Variants in SPSB4 observed in about 807,000 individuals in gnomAD.
The protein encoded by SPSB4 is SPRY domain-containing SOCS box protein 4.
In SPSB4, 21 loss-of-function variants were observed where a neutral mutation model predicts 20.9. The ratio of observed to expected loss-of-function variants is 1.01; its 90% CI spans 0.71 to 1.45. The LOEUF (loss-of-function observed/expected upper bound fraction) is 1.45. SPSB4 is among the 40% of genes most tolerant of loss of function. The pLI is 0.00. For missense variants in SPSB4, 399 were observed against 399.2 expected, an observed-to-expected ratio of 1.00 and a Z score of 0.00; for synonymous variants, 207 against 183.8, an observed-to-expected ratio of 1.13 and a Z score of -1.02.
chr3:141,113,007 C>T (rs1017577178), intron 2 of SPSB4, among the ~76,000 whole-genome samples: 8 of 152,212 alleles, frequency 5.3e-5, no homozygotes, highest in African/African-American at 1.9e-4. Context: ...CCCAGCTGTT[C>T]TCCCATCTTC....
At chr3:141,068,650 C>T (rs964739943) in intron 2 of SPSB4, among the ~76,000 whole-genome samples, 1 of 152,114 alleles carries the variant, frequency 6.6e-6, no homozygotes, top group Non-Finnish European at 1.5e-5. Flanking sequence ...CCCCTTTTTG[C>T]TGCTGTAAGC....
chr3:141,058,492 G>A (rs956392389), intron 1 of SPSB4, among the ~76,000 whole-genome samples: 3 of 152,168 alleles, frequency 2.0e-5, no homozygotes, highest in Admixed American at 1.3e-4. Context: ...CAGGATGCTG[G>A]CTGCTTACTG....
At chr3:141,135,937 G>A (rs1259377694) in intron 2 of SPSB4, among the ~76,000 whole-genome samples, 2 of 152,166 alleles carry the variant, frequency 1.3e-5, no homozygotes, top group African/African-American at 2.4e-5. Flanking sequence ...CACAATGGTT[G>A]AACTAGTTTA....
At chr3:141,134,462 AGATGGC>A (rs1401686214) in intron 2 of SPSB4, among the ~76,000 whole-genome samples, 5 of 152,168 alleles carry the variant, frequency 3.3e-5, no homozygotes, top group African/African-American at 1.2e-4. Flanking sequence ...GGTCTGTAAT[AGATGGC>A]TTTTATTACC....
intron 2 of SPSB4, among the ~76,000 whole-genome samples, chr3:141,138,008 C>A (rs920967072): frequency 6.6e-6 from 1 of 152,184 alleles, no homozygotes; most frequent in African/African-American, 2.4e-5. Flanking sequence ...GCCTCAATTT[C>A]AGAGCCTGTT....
chr3:141,120,270 G>C (rs1302557613), intron 2 of SPSB4, among the ~76,000 whole-genome samples: 1 of 152,216 alleles, frequency 6.6e-6, no homozygotes, highest in Non-Finnish European at 1.5e-5. Flanking sequence ...ATTGCACTGT[G>C]GTCTGAGAGA....
chr3:141,114,775 T>C (rs1225169118), intron 2 of SPSB4, among the ~76,000 whole-genome samples: 1 of 152,262 alleles, frequency 6.6e-6, no homozygotes, highest in African/African-American at 2.4e-5. Context: ...ATCATTTTTC[T>C]CTACCAATAT....
chr3:141,112,829 G>A (rs918994530), intron 2 of SPSB4, among the ~76,000 whole-genome samples: 17 of 152,006 alleles, frequency 1.1e-4, no homozygotes, highest in Non-Finnish European at 2.4e-4. Context: ...GCCCATGGAC[G>A]GACCACTTCT....
intron 2 of SPSB4, among the ~76,000 whole-genome samples, chr3:141,111,929 A>G (rs920351184): frequency 6.6e-6 from 1 of 151,992 alleles, no homozygotes; most frequent in Non-Finnish European, 1.5e-5. Flanking sequence ...AGAACCTGAG[A>G]CCCCACCCTC....
intron 2 of SPSB4, among the ~76,000 whole-genome samples, chr3:141,135,382 C>T (rs1444756492): frequency 6.8e-6 from 1 of 146,494 alleles, no homozygotes; most frequent in Admixed American, 7.3e-5. Context: ...TTTTAGTATA[C>T]ATGTGCACAA....
chr3:141,109,959 G>C (rs899348), intron 2 of SPSB4, among the ~76,000 whole-genome samples: 2 of 151,946 alleles, frequency 1.3e-5, no homozygotes, highest in Non-Finnish European at 2.9e-5. Context: ...CATTTTCATC[G>C]CAGAGAATCT....
chr3:141,137,881 A>G (rs570586945), intron 2 of SPSB4, among the ~76,000 whole-genome samples: 3 of 152,134 alleles, frequency 2.0e-5, no homozygotes, highest in East Asian at 1.9e-4. Flanking sequence ...CTCTTTTTCT[A>G]TTGATTGGAA....
chr3:141,058,909 C>T (rs1004752589), intron 1 of SPSB4, among the ~76,000 whole-genome samples: 1 of 152,136 alleles, frequency 6.6e-6, no homozygotes, highest in African/African-American at 2.4e-5. Context: ...CTGCTTCATC[C>T]TCTGAAAAAC....
At chr3:141,096,006 T>C (rs1224295563) in intron 2 of SPSB4, among the ~76,000 whole-genome samples, 2 of 152,042 alleles carry the variant, frequency 1.3e-5, no homozygotes, top group South Asian at 2.1e-4. Flanking sequence ...CAGATGATAT[T>C]AGGGTTTATA....
At chr3:141,142,414 A>G (rs918872145) in intron 2 of SPSB4, among the ~76,000 whole-genome samples, 1 of 152,188 alleles carries the variant, frequency 6.6e-6, no homozygotes, top group African/African-American at 2.4e-5. Flanking sequence ...GATACTTGAT[A>G]TAAGTTTGAT....
intron 2 of SPSB4, among the ~76,000 whole-genome samples, chr3:141,096,512 A>T (rs552754339): frequency 6.6e-6 from 1 of 152,344 alleles, no homozygotes; most frequent in East Asian, 1.9e-4. Flanking sequence ...GCCTAAAAAC[A>T]GGACTTTACA....
intron 2 of SPSB4, among the ~76,000 whole-genome samples, chr3:141,114,862 G>C (rs1938859985): frequency 6.6e-6 from 1 of 152,184 alleles, no homozygotes; most frequent in African/African-American, 2.4e-5. Flanking sequence ...TGTTTTTATG[G>C]AAAAAGTAGA....
At chr3:141,119,878 AT>A (rs1484630177) in intron 2 of SPSB4, among the ~76,000 whole-genome samples, 1 of 151,504 alleles carries the variant, frequency 6.6e-6, no homozygotes, top group South Asian at 2.1e-4. Flanking sequence ...GGATTCATTG[AT>A]TTTTTTTGAA....
At chr3:141,052,497 C>A (rs532732673) in intron 1 of SPSB4, among the ~76,000 whole-genome samples, 1 of 152,314 alleles carries the variant, frequency 6.6e-6, no homozygotes, top group Admixed American at 6.5e-5. Flanking sequence ...AGCTTGTTAT[C>A]CAACTTTCCG....
Sources: gnomAD v4.1 joint callset for allele counts (sites outside exome capture counted in the v4.1 genomes callset) on GRCh38, gnomAD v4.1.1 for gene constraint, MANE v1.5 for transcripts, NCBI Gene and HGNC (gene_info 2026-07-23, HGNC 2026-07-21) for gene names.